The following RCL1 variants were observed in gnomAD, a reference collection of about 807,000 sequenced individuals.
RCL1 encodes RNA terminal phosphate cyclase like 1.
In RCL1, 24 loss-of-function variants were observed where a neutral mutation model predicts 42.4. That is an observed-to-expected ratio of 0.57 (90% CI 0.41 to 0.80). The LOEUF (loss-of-function observed/expected upper bound fraction) is 0.80, where lower values mean the gene tolerates loss of function less well. Among genes scored for constraint, RCL1 ranks in the 30% least tolerant of loss-of-function variants. The pLI, the probability that RCL1 is intolerant of heterozygous loss-of-function variation, is 0.00. For synonymous variants in RCL1, 228 were observed against 177.3 expected, an observed-to-expected ratio of 1.29 and a Z score of -2.27; for missense variants, 578 against 467.9, an observed-to-expected ratio of 1.24 and a Z score of -2.17.
At chr9:4,832,395 A>T (rs529889473) in intron 3 of RCL1, among the ~76,000 whole-genome samples, 2 of 152,268 alleles carry the variant, frequency 1.3e-5, no homozygotes, top group East Asian at 3.9e-4. Context: ...GAGCTGTTGA[A>T]TAGTTAATTT....
intron 3 of RCL1, among the ~76,000 whole-genome samples, chr9:4,830,768 C>G (rs1396406586): frequency 2.6e-5 from 4 of 152,208 alleles, no homozygotes; most frequent in Admixed American, 6.5e-5. Flanking sequence ...GACAAGGTAA[C>G]TGGAGAGCAG....
At chr9:4,827,738 G>GTT (rs890297432) in intron 3 of RCL1, among the ~76,000 whole-genome samples, 6 of 115,944 alleles carry the variant, frequency 5.2e-5, no homozygotes, top group African/African-American at 1.8e-4. Flanking sequence ...TGAAGTGTGT[G>GTT]TGTGTGTGTG....
At chr9:4,855,693 A>G (rs561830582) in intron 8 of RCL1, among the ~76,000 whole-genome samples, 3 of 152,220 alleles carry the variant, frequency 2.0e-5, no homozygotes, top group African/African-American at 7.2e-5. Context: ...TGCCAGAGAC[A>G]TAGGGAGAAT....
At chr9:4,827,642 A>G (rs1432188121) in intron 3 of RCL1, among the ~76,000 whole-genome samples, 2 of 152,064 alleles carry the variant, frequency 1.3e-5, no homozygotes, top group Non-Finnish European at 1.5e-5. Context: ...TAAACATGCT[A>G]ATTTTTCTGC....
chr9:4,859,542 G>A (rs180848954), intron 8 of RCL1, among the ~76,000 whole-genome samples: 10 of 152,236 alleles, frequency 6.6e-5, no homozygotes, highest in East Asian at 1.9e-4. Flanking sequence ...AAGTAAATGC[G>A]AGGGTATTAT....
At chr9:4,854,789 G>T (rs1817878647) in intron 8 of RCL1, among the ~76,000 whole-genome samples, 1 of 152,140 alleles carries the variant, frequency 6.6e-6, no homozygotes, top group African/African-American at 2.4e-5. Flanking sequence ...GGGTGCGGTG[G>T]CTCACACCTG....
intron 8 of RCL1, among the ~76,000 whole-genome samples, chr9:4,857,171 T>C (rs1817988566): frequency 6.6e-6 from 1 of 152,222 alleles, no homozygotes; most frequent in Non-Finnish European, 1.5e-5. Flanking sequence ...TTCACAGACT[T>C]GTGTAACCAC....
intron 1 of RCL1, among the ~76,000 whole-genome samples, chr9:4,805,946 A>G (rs768371794): frequency 6.6e-6 from 1 of 151,614 alleles, no homozygotes; most frequent in African/African-American, 2.4e-5. Context: ...TTTTGGAGCA[A>G]TTGTAAATGG....
intron 1 of RCL1, among the ~76,000 whole-genome samples, chr9:4,812,737 C>G (rs1211719241): frequency 1.3e-5 from 2 of 151,774 alleles, no homozygotes; most frequent in African/African-American, 4.8e-5. Flanking sequence ...GAATGTGTTT[C>G]CATTTTTTTT....
intron 1 of RCL1, among the ~76,000 whole-genome samples, chr9:4,815,998 T>C (rs1015123862): frequency 6.6e-6 from 1 of 152,220 alleles, no homozygotes; most frequent in Non-Finnish European, 1.5e-5. Context: ...GAGTTTCTTT[T>C]ATAAACTCTT....
At chr9:4,817,074 C>A (rs1816407674) in intron 1 of RCL1, among the ~76,000 whole-genome samples, 1 of 152,200 alleles carries the variant, frequency 6.6e-6, no homozygotes, top group African/African-American at 2.4e-5. Flanking sequence ...GCCTCGGCCT[C>A]CCAAAATGCT....
chr9:4,823,281 A>AT (rs3038449), intron 1 of RCL1, among the ~76,000 whole-genome samples: 100 of 134,780 alleles, frequency 7.4e-4, no homozygotes, highest in African/African-American at 2.5e-3. Flanking sequence ...TGGTGGAGCT[A>AT]TTTTTTTTTT....
chr9:4,793,802 C>G (rs923164760), intron 1 of RCL1, among the ~76,000 whole-genome samples: 1 of 152,180 alleles, frequency 6.6e-6, no homozygotes, highest in Non-Finnish European at 1.5e-5. Context: ...TCAGCCGTGA[C>G]TGTGATTGAT....
chr9:4,826,829 G>C, intron 2 of RCL1, 29 bp from the exon 3 acceptor site: 1 of 1,574,332 alleles, frequency 6.4e-7, no homozygotes, highest in South Asian at 1.2e-5. Flanking sequence ...TTTTCCTGCT[G>C]AATGTGGCTC....
In RCL1 at chr9:4,844,521, C is replaced by G. The variant is rs371937469; in HGVS notation, c.711-4C>G. On this transcript the variant is annotated splice_region_variant and splice_polypyrimidine_tract_variant and intron_variant, in intron 6 of 8. Transcript: ENST00000381750. ...ACTCAGTGTTTGTGCCTTTGTATCT[C>G]CAGGTCTCCGGGCTTTGGGTTGTCA... The G allele has an allele frequency of 6.2e-7, 1 of 1,608,756 alleles. No homozygotes were observed. Among genetic ancestry groups the G allele is most frequent in the Non-Finnish European group, 8.5e-7 (1 of 1,177,170 alleles).
chr9:4,805,697 C>G (rs528579342), intron 1 of RCL1, among the ~76,000 whole-genome samples: 12 of 151,950 alleles, frequency 7.9e-5, no homozygotes, highest in East Asian at 5.8e-4. Flanking sequence ...TGAGGGCTTG[C>G]GGGTGGTGCA....
intron 1 of RCL1, among the ~76,000 whole-genome samples, chr9:4,813,284 C>G (rs551940820): frequency 7.2e-5 from 11 of 152,136 alleles, no homozygotes; most frequent in East Asian, 1.9e-4. Flanking sequence ...TGCAATCTAC[C>G]CATCTGACAA....
intron 1 of RCL1, among the ~76,000 whole-genome samples, chr9:4,815,283 G>C (rs1816331038): frequency 6.6e-6 from 1 of 152,026 alleles, no homozygotes; most frequent in African/African-American, 2.4e-5. Context: ...AGTCTTGTAG[G>C]TGTTCTCATT....
At chr9:4,834,055 G>A in intron 4 of RCL1, 86 bp from the exon 5 acceptor site, 1 of 1,445,604 alleles carries the variant, frequency 6.9e-7, no homozygotes, top group East Asian at 2.4e-5. Context: ...GGAAGCATCT[G>A]CTGGTGTAAA....
Sources: allele counts gnomAD v4.1 joint callset (sites outside exome capture counted in the v4.1 genomes callset), GRCh38; gene constraint gnomAD v4.1.1; transcripts MANE v1.5; gene names NCBI Gene and HGNC (gene_info 2026-07-23, HGNC 2026-07-21).